QTMAN: variants seen among roughly 807,000 people sequenced by gnomAD.
QTMAN encodes queuosine-tRNA mannosyltransferase, also known as tRNA-queuosine alpha-mannosyltransferase.
the QTMAN span, among the ~76,000 whole-genome samples, chr2:144,292,746 CTTAAA>C: frequency 6.6e-5 from 10 of 152,034 alleles, no homozygotes; most frequent in Non-Finnish European, 1.5e-5. Context: ...CTATAACTTA[CTTAAA>C]TTATATAATT....
At chr2:144,297,321 GA>G in the QTMAN span, among the ~76,000 whole-genome samples, 11 of 152,188 alleles carry the variant, frequency 7.2e-5, no homozygotes, top group South Asian at 2.3e-3. Flanking sequence ...TGACCACGGA[GA>G]AACAATGGAT....
the QTMAN span, among the ~76,000 whole-genome samples, chr2:144,162,189 A>C: frequency 6.6e-6 from 1 of 152,210 alleles, no homozygotes; most frequent in East Asian, 1.9e-4. Context: ...AGGAGAAACC[A>C]TGCTGACACT....
At chr2:144,285,563 T>C in the QTMAN span, among the ~76,000 whole-genome samples, 4 of 152,222 alleles carry the variant, frequency 2.6e-5, no homozygotes, top group African/African-American at 9.6e-5. Context: ...ATGATTCAAC[T>C]GTAATACATC....
At chr2:144,135,393 T>A in the QTMAN span, among the ~76,000 whole-genome samples, 1 of 152,202 alleles carries the variant, frequency 6.6e-6, no homozygotes. Context: ...AAATGAGACA[T>A]AACTTCAGAA....
chr2:143,961,385 A>G, the QTMAN span, among the ~76,000 whole-genome samples: 13 of 152,170 alleles, frequency 8.5e-5, no homozygotes, highest in Non-Finnish European at 1.9e-4. Flanking sequence ...CTGAAAACCA[A>G]GTATAGCAAC....
chr2:144,076,974 C>CAAAAA, the QTMAN span, among the ~76,000 whole-genome samples: 1 of 123,110 alleles, frequency 8.1e-6, no homozygotes, highest in African/African-American at 3.0e-5. Context: ...TAATAAACTA[C>CAAAAA]AAAAATAAAA....
At chr2:144,264,643 C>T in the QTMAN span, among the ~76,000 whole-genome samples, 5 of 152,178 alleles carry the variant, frequency 3.3e-5, no homozygotes, top group Non-Finnish European at 7.3e-5. Context: ...TGAGGCTAGT[C>T]AGGAACGAAA....
the QTMAN span, among the ~76,000 whole-genome samples, chr2:144,110,017 T>G: frequency 1.3e-5 from 2 of 152,158 alleles, no homozygotes; most frequent in Admixed American, 6.5e-5. Flanking sequence ...GAAATAGCAT[T>G]TGACCCAGCC....
chr2:144,070,280 T>C, the QTMAN span, among the ~76,000 whole-genome samples: 8 of 152,138 alleles, frequency 5.3e-5, no homozygotes, highest in African/African-American at 1.9e-4. Flanking sequence ...AAAATATTTT[T>C]AAATGAAACT....
At chr2:144,311,702 T>C in the QTMAN span, among the ~76,000 whole-genome samples, 1 of 152,330 alleles carries the variant, frequency 6.6e-6, no homozygotes, top group Non-Finnish European at 1.5e-5. Flanking sequence ...CAGCCCAAAG[T>C]TGGCCTCCTC....
the QTMAN span, chr2:144,142,141 CAG>C: frequency 2.6e-5 from 23 of 883,480 alleles, no homozygotes; most frequent in Non-Finnish European, 3.5e-6. Context: ...ATGGATTAAT[CAG>C]AGTTTATACT....
the QTMAN span, among the ~76,000 whole-genome samples, chr2:144,133,192 T>G: frequency 1.7e-5 from 1 of 59,662 alleles, no homozygotes; most frequent in African/African-American, 1.3e-4. Context: ...AATATAAATT[T>G]ATATATATAT....
the QTMAN span, among the ~76,000 whole-genome samples, chr2:144,113,309 G>C: frequency 6.6e-6 from 1 of 151,888 alleles, no homozygotes; most frequent in South Asian, 2.1e-4. Context: ...CTAAAAAGTA[G>C]AATATACACA....
At chr2:144,097,580 G>C in the QTMAN span, among the ~76,000 whole-genome samples, 2 of 152,106 alleles carry the variant, frequency 1.3e-5, no homozygotes, top group Non-Finnish European at 2.9e-5. Context: ...GGTGGGAAGG[G>C]GAGGGAACGA....
chr2:144,059,270 A>G, the QTMAN span, among the ~76,000 whole-genome samples: 1 of 152,212 alleles, frequency 6.6e-6, no homozygotes, highest in East Asian at 1.9e-4. Flanking sequence ...CCCCTTCTCC[A>G]TACAGTCAAC....
the QTMAN span, among the ~76,000 whole-genome samples, chr2:144,287,945 A>C: frequency 2.0e-5 from 3 of 151,974 alleles, no homozygotes; most frequent in Non-Finnish European, 4.4e-5. Flanking sequence ...ACCTCCACTT[A>C]CCGGGTTCAA....
At chr2:144,214,649 C>T in the QTMAN span, among the ~76,000 whole-genome samples, 2 of 152,120 alleles carry the variant, frequency 1.3e-5, no homozygotes, top group African/African-American at 4.8e-5. Context: ...AATGTATACC[C>T]CCCTCAATGC....
At chr2:144,209,987 TC>T in the QTMAN span, among the ~76,000 whole-genome samples, 1 of 151,070 alleles carries the variant, frequency 6.6e-6, no homozygotes, top group Admixed American at 6.6e-5. Flanking sequence ...CAAAAAGGCT[TC>T]CTTTTGATGT....
chr2:144,090,965 C>A, the QTMAN span, among the ~76,000 whole-genome samples: 43 of 151,998 alleles, frequency 2.8e-4, no homozygotes, highest in African/African-American at 1.0e-3. Context: ...CTAGAATAAT[C>A]ATCATCAGTG....
Sources: allele counts gnomAD v4.1 joint callset (sites outside exome capture counted in the v4.1 genomes callset), GRCh38; gene constraint gnomAD v4.1.1; transcripts MANE v1.5; gene names NCBI Gene and HGNC (gene_info 2026-07-23, HGNC 2026-07-21).